ATRNL1: variants seen among roughly 807,000 people sequenced by gnomAD.
ATRNL1 encodes attractin-like protein 1.
A neutral mutation model predicts 182.7 loss-of-function variants in ATRNL1; 95 were observed. That is an observed-to-expected ratio of 0.52 (90% CI 0.44 to 0.62). ATRNL1 has a LOEUF of 0.62. Among genes scored for constraint, ATRNL1 ranks in the 20% least tolerant of loss-of-function variants. The probability of loss-of-function intolerance (pLI) is 0.00; values close to 1 mark genes in which losing one functional copy is unlikely to be tolerated. For missense variants in ATRNL1, 1,471 were observed against 1,679.5 expected, an observed-to-expected ratio of 0.88 and a Z score of 2.17; for synonymous variants, 576 against 568.3, an observed-to-expected ratio of 1.01 and a Z score of -0.19.
At chr10:115,844,224 C>T (rs996289004) in intron 27 of ATRNL1, among the ~76,000 whole-genome samples, 1 of 152,050 alleles carries the variant, frequency 6.6e-6, no homozygotes, top group African/African-American at 2.4e-5. Flanking sequence ...CGTCCAAGGA[C>T]ATCAGATAAT....
At chr10:115,331,970 G>A (rs1855249154) in intron 18 of ATRNL1, among the ~76,000 whole-genome samples, 1 of 152,170 alleles carries the variant, frequency 6.6e-6, no homozygotes, top group African/African-American at 2.4e-5. Flanking sequence ...CATCCTCTCT[G>A]CCAGGGATGG....
chr10:115,333,318 G>C (rs1855322676), intron 18 of ATRNL1, among the ~76,000 whole-genome samples: 1 of 152,106 alleles, frequency 6.6e-6, no homozygotes, highest in African/African-American at 2.4e-5. Context: ...ATATTCTGCT[G>C]TAATATTAAC....
At chr10:115,478,936 T>C (rs2134603730) in intron 24 of ATRNL1, among the ~76,000 whole-genome samples, 1 of 151,776 alleles carries the variant, frequency 6.6e-6, no homozygotes. Flanking sequence ...TAATTTTACT[T>C]TTATTAATTT....
chr10:115,451,057 G>A (rs1847256394), intron 21 of ATRNL1, among the ~76,000 whole-genome samples: 1 of 152,106 alleles, frequency 6.6e-6, no homozygotes, highest in Non-Finnish European at 1.5e-5. Flanking sequence ...TGGGATAACT[G>A]GCTATCCATA....
At chr10:115,594,233 A>G (rs1592916968) in intron 26 of ATRNL1, among the ~76,000 whole-genome samples, 1 of 152,114 alleles carries the variant, frequency 6.6e-6, no homozygotes, top group African/African-American at 2.4e-5. Context: ...ATATATATGC[A>G]TGATATCATA....
chr10:115,313,851 A>G (rs1352790064), intron 17 of ATRNL1, among the ~76,000 whole-genome samples: 1 of 152,218 alleles, frequency 6.6e-6, no homozygotes, highest in Non-Finnish European at 1.5e-5. Context: ...TGGAATGCCA[A>G]GCCAATATTA....
chr10:115,156,706 C>T (rs1365127291), intron 5 of ATRNL1, among the ~76,000 whole-genome samples: 5 of 152,070 alleles, frequency 3.3e-5, no homozygotes, highest in Middle Eastern at 3.4e-3. Flanking sequence ...GTTTATTACA[C>T]CCTTTAAAAA....
At chr10:115,165,377 A>G (rs1846990312) in intron 6 of ATRNL1, among the ~76,000 whole-genome samples, 181 bp from the exon 7 acceptor site, 1 of 152,098 alleles carries the variant, frequency 6.6e-6, no homozygotes, top group Non-Finnish European at 1.5e-5. Context: ...TAGTGTAGGT[A>G]TATCTTGAAT....
chr10:115,673,442 C>T (rs1474487259), intron 26 of ATRNL1, among the ~76,000 whole-genome samples: 1 of 151,922 alleles, frequency 6.6e-6, no homozygotes, highest in African/African-American at 2.4e-5. Flanking sequence ...TGCTGAACTG[C>T]AATATCAGAC....
intron 24 of ATRNL1, among the ~76,000 whole-genome samples, chr10:115,491,993 G>A (rs1330416278): frequency 2.0e-5 from 3 of 152,120 alleles, no homozygotes; most frequent in Non-Finnish European, 4.4e-5. Flanking sequence ...GGCTAGGGGA[G>A]GGAAATCCTC....
intron 26 of ATRNL1, among the ~76,000 whole-genome samples, chr10:115,562,545 A>G (rs1853820318): frequency 6.6e-6 from 1 of 152,192 alleles, no homozygotes; most frequent in Admixed American, 6.5e-5. Flanking sequence ...CTTGAATTGT[A>G]GTTCCCATAA....
At chr10:115,487,071 G>A (rs2134638696) in intron 24 of ATRNL1, among the ~76,000 whole-genome samples, 1 of 152,190 alleles carries the variant, frequency 6.6e-6, no homozygotes, top group South Asian at 2.1e-4. Flanking sequence ...TTATTTCTGA[G>A]TCTTCTGTTC....
intron 8 of ATRNL1, among the ~76,000 whole-genome samples, chr10:115,212,238 C>T (rs1041994556): frequency 2.0e-5 from 3 of 151,034 alleles, no homozygotes; most frequent in Non-Finnish European, 4.4e-5. Flanking sequence ...TTTCCTTTGT[C>T]ATTTCCACTC....
intron 20 of ATRNL1, among the ~76,000 whole-genome samples, chr10:115,414,472 A>G (rs1554960476): frequency 6.7e-6 from 1 of 150,242 alleles, no homozygotes; most frequent in Admixed American, 6.6e-5. Context: ...TCTTATTTCT[A>G]CTTACTTCTA....
At chr10:115,289,266 A>G (rs1554920120) in intron 15 of ATRNL1, among the ~76,000 whole-genome samples, 3 of 152,162 alleles carry the variant, frequency 2.0e-5, no homozygotes, top group African/African-American at 4.8e-5. Context: ...CCCTCCCACA[A>G]CACGTGGTAA....
At chr10:115,380,531 C>T (rs980852241) in intron 19 of ATRNL1, among the ~76,000 whole-genome samples, 5 of 152,120 alleles carry the variant, frequency 3.3e-5, no homozygotes, top group Non-Finnish European at 7.4e-5. Flanking sequence ...TCCCTTGTCC[C>T]CCAGCCCTGC....
chr10:115,475,996 A>G (rs1848512436), intron 24 of ATRNL1, among the ~76,000 whole-genome samples: 1 of 151,328 alleles, frequency 6.6e-6, no homozygotes. Context: ...ACATCTTTCT[A>G]TGTTGAGAGT....
chr10:115,624,633 T>C (rs1857977976), intron 26 of ATRNL1, among the ~76,000 whole-genome samples: 1 of 152,138 alleles, frequency 6.6e-6, no homozygotes, highest in Admixed American at 6.6e-5. Flanking sequence ...TATTTTGAAG[T>C]AGGCCATGAT....
intron 26 of ATRNL1, among the ~76,000 whole-genome samples, chr10:115,553,853 C>T (rs945456998): frequency 4.0e-5 from 6 of 151,328 alleles, no homozygotes; most frequent in South Asian, 2.1e-4. Flanking sequence ...TATTCTCTGA[C>T]GCAGTGATAA....
Sources: allele counts gnomAD v4.1 joint callset (sites outside exome capture counted in the v4.1 genomes callset), GRCh38; gene constraint gnomAD v4.1.1; transcripts MANE v1.5; gene names NCBI Gene and HGNC (gene_info 2026-07-23, HGNC 2026-07-21).